Variants in ATP10B observed in about 807,000 individuals in gnomAD.
The protein encoded by ATP10B is ATPase phospholipid transporting 10B (putative), also known as phospholipid-transporting ATPase VB.
ATP10B carries 122 observed loss-of-function variants against 141.2 expected under a neutral mutation model. The ratio of observed to expected loss-of-function variants is 0.86; its 90% CI spans 0.75 to 1.00. The LOEUF (loss-of-function observed/expected upper bound fraction) is 1.00, where lower values mean the gene tolerates loss of function less well. ATP10B is among the 50% of genes least tolerant of loss of function. The pLI is 0.00. For synonymous variants in ATP10B, 685 were observed against 692.0 expected, an observed-to-expected ratio of 0.99 and a Z score of 0.16; for missense variants, 1,876 against 1,825.3, an observed-to-expected ratio of 1.03 and a Z score of -0.51.
chr5:160,923,655 G>T, the ATP10B span, among the ~76,000 whole-genome samples: 1 of 152,194 alleles, frequency 6.6e-6, no homozygotes, highest in Non-Finnish European at 1.5e-5. Flanking sequence ...CCTGATAACA[G>T]CCAGCTTGCA....
chr5:160,808,305 T>C (rs891972840), intron 1 of ATP10B, among the ~76,000 whole-genome samples: 1 of 152,190 alleles, frequency 6.6e-6, no homozygotes, highest in African/African-American at 2.4e-5. Context: ...GCGATTTTAT[T>C]ATTCTGATAT....
chr5:160,895,513 T>C, the ATP10B span, among the ~76,000 whole-genome samples: 28 of 152,254 alleles, frequency 1.8e-4, no homozygotes, highest in East Asian at 5.0e-3. Context: ...CCTAAACATA[T>C]ATGCACCCAA....
chr5:160,891,692 C>T, the ATP10B span, among the ~76,000 whole-genome samples: 46 of 152,316 alleles, frequency 3.0e-4, 1 homozygote, highest in African/African-American at 1.1e-3. Flanking sequence ...CCTGCCTCAG[C>T]CTCCCAAAGT....
chr5:160,632,486 A>G, intron 12 of ATP10B, 119 bp from the exon 13 acceptor site: 1 of 921,106 alleles, frequency 1.1e-6, no homozygotes, highest in Non-Finnish European at 1.7e-6. Flanking sequence ...CTACTCTGAA[A>G]AATTGGCATC....
At chr5:160,676,868 T>C (rs371868793) in intron 6 of ATP10B, among the ~76,000 whole-genome samples, 114 of 152,348 alleles carry the variant, frequency 7.5e-4, no homozygotes, top group African/African-American at 2.1e-3. Flanking sequence ...TCATAGATGA[T>C]GAAACAGGCT....
chr5:160,616,438 A>C (rs1201306394), intron 16 of ATP10B, among the ~76,000 whole-genome samples: 4 of 152,208 alleles, frequency 2.6e-5, no homozygotes, highest in African/African-American at 9.7e-5. Context: ...GGGCAAGAGC[A>C]AGAGTTAAGG....
At chr5:160,659,387 C>T (rs1458508085) in intron 7 of ATP10B, among the ~76,000 whole-genome samples, 1 of 152,056 alleles carries the variant, frequency 6.6e-6, no homozygotes, top group Non-Finnish European at 1.5e-5. Flanking sequence ...ATCTTTTGAA[C>T]CCAGGAGGCA....
At chr5:160,807,929 T>C (rs956137078) in intron 1 of ATP10B, among the ~76,000 whole-genome samples, 17 of 152,172 alleles carry the variant, frequency 1.1e-4, no homozygotes, top group African/African-American at 3.9e-4. Flanking sequence ...ATGACTCCTT[T>C]TTGTACCTGC....
chr5:160,649,905 G>C (rs992890884), intron 7 of ATP10B, among the ~76,000 whole-genome samples: 1 of 151,522 alleles, frequency 6.6e-6, no homozygotes, highest in African/African-American at 2.4e-5. Flanking sequence ...ATCACCTGAG[G>C]TCAGGAGATC....
At chr5:160,644,343 C>G in intron 8 of ATP10B, 99 bp from the exon 9 acceptor site, 1 of 780,692 alleles carries the variant, frequency 1.3e-6, no homozygotes, top group East Asian at 2.5e-5. Context: ...GAACATGATC[C>G]CTCTCCTCCC....
At chr5:160,826,482 C>T (rs535889868) in intron 1 of ATP10B, among the ~76,000 whole-genome samples, 21 of 152,220 alleles carry the variant, frequency 1.4e-4, no homozygotes, top group Middle Eastern at 3.4e-3. Flanking sequence ...ACGTCTCCTC[C>T]GGATCACTAT....
chr5:160,685,019 G>A (rs1380578854), intron 6 of ATP10B: 2 of 703,518 alleles, frequency 2.8e-6, no homozygotes, highest in South Asian at 3.0e-5. Flanking sequence ...ACAAAATAGA[G>A]ATTGGCAAAC....
At chr5:160,735,179 T>C (rs1036817831) in intron 2 of ATP10B, among the ~76,000 whole-genome samples, 5 of 147,118 alleles carry the variant, frequency 3.4e-5, no homozygotes, top group Admixed American at 2.0e-4. Flanking sequence ...TGAATGTAAA[T>C]GGACTAAAAT....
chr5:160,567,742 T>C (rs188768591), intron 25 of ATP10B, among the ~76,000 whole-genome samples: 86 of 152,170 alleles, frequency 5.7e-4, no homozygotes, highest in African/African-American at 2.0e-3. Flanking sequence ...CAGGGAGGAA[T>C]TGGGGGCCAG....
chr5:160,594,724 G>C (rs1216771239), intron 22 of ATP10B, among the ~76,000 whole-genome samples: 1 of 150,488 alleles, frequency 6.6e-6, no homozygotes, highest in Non-Finnish European at 1.5e-5. Context: ...ACAAAAAAAG[G>C]CAGGGGTTGC....
At chr5:160,624,127 C>T (rs1209276576) in intron 13 of ATP10B, among the ~76,000 whole-genome samples, 1 of 152,156 alleles carries the variant, frequency 6.6e-6, no homozygotes, top group Admixed American at 6.5e-5. Flanking sequence ...AAATGATAGA[C>T]TGAGGGAATC....
At chr5:160,702,431 G>A (rs547912890) in intron 3 of ATP10B, among the ~76,000 whole-genome samples, 81 of 152,206 alleles carry the variant, frequency 5.3e-4, no homozygotes, top group Non-Finnish European at 9.1e-4. Context: ...AAACAACCAC[G>A]GTAGCATGCA....
At chr5:160,740,861 C>T (rs577802951) in intron 2 of ATP10B, among the ~76,000 whole-genome samples, 3 of 152,140 alleles carry the variant, frequency 2.0e-5, no homozygotes, top group African/African-American at 7.2e-5. Context: ...GACCTCCATC[C>T]CCAACCTATT....
chr5:160,616,011 A>G (rs1311112325), intron 16 of ATP10B, 47 bp from the exon 17 acceptor site: 22 of 1,572,706 alleles, frequency 1.4e-5, no homozygotes, highest in Non-Finnish European at 1.9e-5. Flanking sequence ...TGGACCAACA[A>G]GATAATTTCC....
Sources: allele counts gnomAD v4.1 joint callset (sites outside exome capture counted in the v4.1 genomes callset), GRCh38; gene constraint gnomAD v4.1.1; transcripts MANE v1.5; gene names NCBI Gene and HGNC (gene_info 2026-07-23, HGNC 2026-07-21).